The following TNR variants were observed in gnomAD, a reference collection of about 807,000 sequenced individuals.
TNR encodes tenascin R, also known as tenascin-R.
Under a neutral mutation model 150.4 loss-of-function variants are expected in TNR, and 45 were observed. The observed-to-expected ratio is 0.30, with a 90% confidence interval of 0.24 to 0.38. TNR has a LOEUF of 0.38. TNR is among the 10% of genes least tolerant of loss of function. The pLI, the probability that TNR is intolerant of heterozygous loss-of-function variation, is 1.00. For synonymous variants in TNR, 687 were observed against 678.4 expected (o/e 1.01, Z -0.20); for missense variants, 1,544 against 1,759.1 (o/e 0.88, Z 2.19).
At chr1:175,505,933 G>A (rs1179886442) in intron 2 of TNR, among the ~76,000 whole-genome samples, 2 of 152,176 alleles carry the variant, frequency 1.3e-5, no homozygotes, top group African/African-American at 2.4e-5. Flanking sequence ...CCAGCTACTC[G>A]GGAGGCTGAG....
chr1:175,377,115 G>A (rs1652427038), intron 9 of TNR, among the ~76,000 whole-genome samples: 1 of 152,034 alleles, frequency 6.6e-6, no homozygotes, highest in African/African-American at 2.4e-5. Flanking sequence ...GTGAACTTGG[G>A]CAGGTTTTCA....
At chr1:175,335,950 A>G (rs1175485451) in intron 19 of TNR, 143 bp from the exon 20 acceptor site, 1 of 719,692 alleles carries the variant, frequency 1.4e-6, no homozygotes, top group Non-Finnish European at 2.3e-6. Flanking sequence ...AAGAAGGAAC[A>G]TTTCAGAGCA....
chr1:175,589,836 G>A (rs1478047881), intron 1 of TNR, among the ~76,000 whole-genome samples: 4 of 151,820 alleles, frequency 2.6e-5, no homozygotes, highest in Admixed American at 6.6e-5. Context: ...ATCACACACC[G>A]GGGCCTGTCA....
chr1:175,614,533 T>C (rs760140014), intron 1 of TNR, among the ~76,000 whole-genome samples: 1 of 152,230 alleles, frequency 6.6e-6, no homozygotes, highest in Admixed American at 6.5e-5. Context: ...AGGCATCTTT[T>C]TATGACTGTT....
chr1:175,583,075 T>G (rs935956727), intron 1 of TNR, among the ~76,000 whole-genome samples: 1 of 152,114 alleles, frequency 6.6e-6, no homozygotes, highest in African/African-American at 2.4e-5. Context: ...GTCTCAGCTA[T>G]TCTGTTATAG....
chr1:175,332,006 C>G (rs1649960117), intron 20 of TNR, among the ~76,000 whole-genome samples: 1 of 152,216 alleles, frequency 6.6e-6, no homozygotes, highest in Non-Finnish European at 1.5e-5. Context: ...TCACCCTAGA[C>G]TTGTGCTTGT....
chr1:175,724,878 G>C (rs7546991), intron 1 of TNR, among the ~76,000 whole-genome samples: 27,851 of 151,942 alleles, frequency 0.18, 2,681 homozygotes, highest in Middle Eastern at 0.25. Context: ...TGGCCTGGAG[G>C]GGAGAGGAAG....
intron 13 of TNR, 28 bp from the exon 14 acceptor site, chr1:175,362,837 A>G (rs1184506741): frequency 6.2e-7 from 1 of 1,612,826 alleles, no homozygotes; most frequent in African/African-American, 1.3e-5. Flanking sequence ...CTACAGTTAA[A>G]ATTCAGCAGC....
At position 175,386,221 on chromosome 1, in the gene TNR, T is replaced by C. The variant is rs1459322429; in HGVS notation, c.1588A>G (p.Lys530Glu). 1.1e-5 allele frequency: 18 copies of C among 1,610,388 alleles called. No homozygotes were observed. The highest frequency in any genetic ancestry group is 1.5e-5 in the Non-Finnish European group (18 of 1,177,182). ...AFVEWIPPRA[K>E]VDFILLKYGL... ...TATTTCAAAAGAATGAAATCGACTT[T>C]GGCTCGAGGGGGAATCCACTCCACA... The change falls in exon 8 of 23, where the codon AAA (lysine) becomes GAA (glutamate). Residue 530 changes from lysine to glutamate, a missense_variant. Lys to Glu is a moderately conservative substitution (Grantham distance 56). Transcript: ENST00000367674.
At chr1:175,589,156 G>A (rs575708821) in intron 1 of TNR, among the ~76,000 whole-genome samples, 8 of 152,206 alleles carry the variant, frequency 5.3e-5, no homozygotes, top group South Asian at 2.1e-4. Context: ...TCTTGAGATC[G>A]AAACCAAGCA....
intron 4 of TNR, among the ~76,000 whole-genome samples, chr1:175,399,708 G>C (rs985324516): frequency 6.6e-6 from 1 of 152,142 alleles, no homozygotes; most frequent in Non-Finnish European, 1.5e-5. Context: ...AGTATTCTTA[G>C]CCTTACTTTC....
chr1:175,456,131 T>A (rs1043612544), intron 2 of TNR, among the ~76,000 whole-genome samples: 1 of 152,196 alleles, frequency 6.6e-6, no homozygotes, highest in African/African-American at 2.4e-5. Flanking sequence ...GCTTTCCTGA[T>A]GACTCCTGAA....
chr1:175,594,503 A>G (rs575514758), intron 1 of TNR, among the ~76,000 whole-genome samples: 1 of 152,218 alleles, frequency 6.6e-6, no homozygotes, highest in Admixed American at 6.5e-5. Flanking sequence ...ATCATATATT[A>G]TCTTGAATTG....
At chr1:175,551,900 T>A (rs1660956231) in intron 1 of TNR, among the ~76,000 whole-genome samples, 1 of 151,832 alleles carries the variant, frequency 6.6e-6, no homozygotes, top group Non-Finnish European at 1.5e-5. Context: ...GTGAATGGAG[T>A]GGAGGGAGGG....
intron 1 of TNR, among the ~76,000 whole-genome samples, chr1:175,731,663 G>A (rs925372869): frequency 2.0e-5 from 3 of 152,170 alleles, no homozygotes; most frequent in African/African-American, 7.2e-5. Flanking sequence ...CCAAGATTCT[G>A]GTTCAAGTTC....
At chr1:175,492,633 C>G (rs1470393144) in intron 2 of TNR, among the ~76,000 whole-genome samples, 1 of 152,020 alleles carries the variant, frequency 6.6e-6, no homozygotes, top group Non-Finnish European at 1.5e-5. Flanking sequence ...GGTTAATGCT[C>G]TAGTCAAAAC....
At chr1:175,661,212 C>T (rs1196612461) in intron 1 of TNR, among the ~76,000 whole-genome samples, 1 of 152,190 alleles carries the variant, frequency 6.6e-6, no homozygotes, top group Non-Finnish European at 1.5e-5. Flanking sequence ...CCAAGTGGAG[C>T]CACCCTCGCT....
intron 2 of TNR, among the ~76,000 whole-genome samples, chr1:175,504,213 C>A (rs1012003169): frequency 4.6e-5 from 7 of 152,146 alleles, no homozygotes; most frequent in African/African-American, 1.7e-4. Flanking sequence ...TTCCAGCTGT[C>A]ACTTCTCATT....
chr1:175,459,306 C>G (rs577193027), intron 2 of TNR, among the ~76,000 whole-genome samples: 1 of 152,128 alleles, frequency 6.6e-6, no homozygotes, highest in Non-Finnish European at 1.5e-5. Context: ...CCTCTGCCAC[C>G]GTCATCATTA....
Sources: gnomAD v4.1 joint callset for allele counts (sites outside exome capture counted in the v4.1 genomes callset) on GRCh38, gnomAD v4.1.1 for gene constraint, MANE v1.5 for transcripts, NCBI Gene and HGNC (gene_info 2026-07-23, HGNC 2026-07-21) for gene names.